The following CACNA1A variants were observed in gnomAD, a reference collection of about 807,000 sequenced individuals.
CACNA1A encodes the protein voltage-dependent P/Q-type calcium channel subunit alpha-1A.
In CACNA1A, 57 loss-of-function variants were observed where a neutral mutation model predicts 262.4. The observed-to-expected ratio is 0.22, with a 90% CI of 0.18 to 0.27. CACNA1A has a LOEUF of 0.27. Ranked by LOEUF, CACNA1A falls within the 10% of genes least tolerant of loss-of-function variation. The probability of loss-of-function intolerance (pLI) is 1.00; values close to 1 mark genes in which losing one functional copy is unlikely to be tolerated. For missense variants in CACNA1A, 2,526 were observed against 3,562.8 expected, an observed-to-expected ratio of 0.71 and a Z score of 7.41; for synonymous variants, 1,431 against 1,419.3, an observed-to-expected ratio of 1.01 and a Z score of -0.18.
chr19:13,209,029 G>T lies in CACNA1A; in HGVS notation c.6527-20C>A. The T allele has an allele frequency of 1.3e-6, 2 of 1,536,944 alleles. No homozygotes were observed. Among genetic ancestry groups the T allele is most frequent in the Non-Finnish European group, 1.7e-6 (2 of 1,146,876 alleles). On this transcript the variant is annotated intron_variant, in intron 45 of 46. Transcript: ENST00000360228. ...CCAAGCCTGGGCCGGGTGAGGGTCA[G>T]ACAGACACACAGGTGGTCGTGAGGG...
Position 13,259,619 on chromosome 19 carries a change from C to T in CACNA1A, c.4333G>A (p.Val1445Met), listed in dbSNP as rs1312594853. The change falls in exon 27 of 47, where the codon GTG (valine) becomes ATG (methionine). Residue 1445 changes from valine to methionine, a missense_variant. Physicochemically the swap from Val to Met is conservative, Grantham distance 21. Around this residue, in one of 17 missense-constraint regions of CACNA1A, gnomAD observed 137 missense variants for 377.7 expected, o/e 0.36. Coordinates refer to ENST00000360228, the MANE Select transcript of CACNA1A (RefSeq NM_001127222.2). ...AAGAGGGTCAGCAGAGCCCACAGCACATTGTCGTAATGGAATTCATACTTC... is the reference window on the plus strand; with the variant it reads ...AAGAGGGTCAGCAGAGCCCACAGCATATTGTCGTAATGGAATTCATACTTC... ...WKKYEFHYDNVLWALLTLFTV... is the reference protein window; with the variant it reads ...WKKYEFHYDNMLWALLTLFTV... The T allele has an allele frequency of 6.2e-7, 1 of 1,610,734 alleles. No individual in the cohort carries two copies. Among genetic ancestry groups the T allele is most frequent in the Non-Finnish European group, 8.5e-7 (1 of 1,178,504 alleles).
At chr19:13,372,544 C>T (rs2059342846) in intron 3 of CACNA1A, among the ~76,000 whole-genome samples, 1 of 152,128 alleles carries the variant, frequency 6.6e-6, no homozygotes, top group African/African-American at 2.4e-5. Flanking sequence ...GGGTTCAGAT[C>T]CCAGATCTGC....
At chr19:13,394,878 C>T (rs1160741504) in intron 3 of CACNA1A, among the ~76,000 whole-genome samples, 1 of 152,138 alleles carries the variant, frequency 6.6e-6, no homozygotes, top group Non-Finnish European at 1.5e-5. Context: ...TAAGGCGGGT[C>T]GTAGAAACCA....
At chr19:13,269,617 T>C (rs1481050448) in intron 24 of CACNA1A, among the ~76,000 whole-genome samples, 1 of 152,178 alleles carries the variant, frequency 6.6e-6, no homozygotes, top group Admixed American at 6.5e-5. Context: ...AGATGGACTC[T>C]TGGCGGTGAG....
chr19:13,357,126 C>A (rs540810261), intron 6 of CACNA1A, among the ~76,000 whole-genome samples: 1 of 152,190 alleles, frequency 6.6e-6, no homozygotes, highest in Admixed American at 6.5e-5. Context: ...TAAAACGGGC[C>A]TTTGTTGATC....
chr19:13,368,645 A>G (rs141782044), intron 4 of CACNA1A, among the ~76,000 whole-genome samples: 1 of 152,328 alleles, frequency 6.6e-6, no homozygotes, highest in East Asian at 1.9e-4. Context: ...TCTTGATTGC[A>G]GGAACTTCCC....
chr19:13,468,201 C>T (rs951024948), intron 1 of CACNA1A, among the ~76,000 whole-genome samples: 4 of 151,536 alleles, frequency 2.6e-5, no homozygotes, highest in Non-Finnish European at 4.4e-5. Flanking sequence ...CTCTCGGGGT[C>T]GGGAAGAGAG....
intron 3 of CACNA1A, among the ~76,000 whole-genome samples, chr19:13,406,909 C>T (rs1020037046): frequency 2.6e-5 from 4 of 151,896 alleles, no homozygotes; most frequent in Non-Finnish European, 5.9e-5. Flanking sequence ...CTTGCCATTT[C>T]CCTCTCCCAA....
chr19:13,255,124 C>T lies in CACNA1A; in HGVS notation c.4726G>A (p.Ala1576Thr), dbSNP rs2056510591. 2 of 1,613,686 alleles carry T rather than the reference C, an allele frequency of 1.2e-6. No individual in the cohort carries two copies. The highest frequency in any genetic ancestry group is 8.5e-7 in the Non-Finnish European group (1 of 1,179,802). The stretch of plus-strand genomic sequence containing the variant: ...ATCATAAGCACGATGGTGTTGAGGG[C>T]GATCATGGCCATGATCGTGTACTCG... ...PFEYTIMAMI[A>T]LNTIVLMMKF... Residue 1576 changes from alanine to threonine, a missense_variant, in exon 29 of 47, where the codon GCC (alanine) becomes ACC (threonine). Ala to Thr is a moderately conservative substitution (Grantham distance 58). This residue lies in a region of CACNA1A where 66 missense variants were observed against 195.8 expected (regional missense o/e 0.34). Coordinates refer to ENST00000360228, the MANE Select transcript of CACNA1A (RefSeq NM_001127222.2).
At chr19:13,223,645 C>T (rs143288578) in intron 38 of CACNA1A, among the ~76,000 whole-genome samples, 223 of 152,228 alleles carry the variant, frequency 1.5e-3, no homozygotes, top group African/African-American at 5.0e-3. Context: ...ACCTGCGTGG[C>T]GTGCCCTCAC....
chr19:13,384,242 G>A (rs2059570771), intron 3 of CACNA1A, among the ~76,000 whole-genome samples: 1 of 152,156 alleles, frequency 6.6e-6, no homozygotes, highest in African/African-American at 2.4e-5. Context: ...ATTGTGGTGG[G>A]TGAATAAGTG....
intron 1 of CACNA1A, among the ~76,000 whole-genome samples, chr19:13,475,620 T>G (rs569561069): frequency 6.6e-6 from 1 of 152,310 alleles, no homozygotes; most frequent in Admixed American, 6.5e-5. Flanking sequence ...GAAGATCATA[T>G]GACTTGCCCA....
At chr19:13,350,530 A>G (rs946786972) in intron 6 of CACNA1A, among the ~76,000 whole-genome samples, 8 of 152,178 alleles carry the variant, frequency 5.3e-5, no homozygotes, top group African/African-American at 1.9e-4. Flanking sequence ...GAGGTGGCAA[A>G]CCGCAGAATC....
intron 1 of CACNA1A, among the ~76,000 whole-genome samples, chr19:13,487,370 TCA>T (rs751866624): frequency 6.6e-6 from 1 of 152,064 alleles, no homozygotes; most frequent in Non-Finnish European, 1.5e-5. Context: ...AGCTGGGCTT[TCA>T]CACAGTCTCA....
At chr19:13,227,855 G>A (rs1370221469) in intron 36 of CACNA1A, among the ~76,000 whole-genome samples, 2 of 151,256 alleles carry the variant, frequency 1.3e-5, no homozygotes, top group African/African-American at 2.4e-5. Flanking sequence ...CGGAGGGGAG[G>A]GAGAATTCTC....
intron 1 of CACNA1A, among the ~76,000 whole-genome samples, chr19:13,471,468 T>C (rs1209712390): frequency 3.3e-5 from 5 of 152,280 alleles, no homozygotes; most frequent in Middle Eastern, 3.4e-3. Context: ...ACAGCTGATG[T>C]ATCATCAGAC....
At chr19:13,502,157 TAAAAAAAA>T (rs57962801) in intron 1 of CACNA1A, among the ~76,000 whole-genome samples, 10 of 138,054 alleles carry the variant, frequency 7.2e-5, no homozygotes, top group African/African-American at 2.1e-4. Flanking sequence ...GAGCTTTTCT[TAAAAAAAA>T]AAAAAAAAAA....
At chr19:13,331,570 T>C (rs2058469597) in intron 9 of CACNA1A, among the ~76,000 whole-genome samples, 1 of 152,174 alleles carries the variant, frequency 6.6e-6, no homozygotes, top group African/African-American at 2.4e-5. Context: ...TATGAGAAGA[T>C]AAATCTCAAG....
intron 15 of CACNA1A, among the ~76,000 whole-genome samples, chr19:13,304,351 G>A (rs752500062): frequency 8.6e-5 from 13 of 151,972 alleles, no homozygotes; most frequent in South Asian, 2.1e-4. Context: ...GGAAGAGACC[G>A]CATGCCATGG....
Sources: gnomAD v4.1 joint callset for allele counts (sites outside exome capture counted in the v4.1 genomes callset) on GRCh38, gnomAD v4.1.1 for gene constraint, gnomAD v4.1.1 regional missense constraint, MANE v1.5 for transcripts, NCBI Gene and HGNC (gene_info 2026-07-23, HGNC 2026-07-21) for gene names.